The following CFAP43 variants were observed in gnomAD, a reference collection of about 807,000 sequenced individuals.
CFAP43 encodes cilia- and flagella-associated protein 43.
Under a neutral mutation model 218.9 loss-of-function variants are expected in CFAP43, and 155 were observed. The observed-to-expected ratio is 0.71, with a 90% confidence interval of 0.62 to 0.81. CFAP43 has a LOEUF of 0.81. Ranked by LOEUF, CFAP43 falls within the 30% of genes least tolerant of loss-of-function variation. The probability of loss-of-function intolerance (pLI) is 0.00; values close to 1 mark genes in which losing one functional copy is unlikely to be tolerated. For missense variants in CFAP43, 1,778 were observed against 1,954.3 expected, an observed-to-expected ratio of 0.91 and a Z score of 1.70; for synonymous variants, 645 against 681.3, an observed-to-expected ratio of 0.95 and a Z score of 0.83.
intron 27 of CFAP43, among the ~76,000 whole-genome samples, chr10:104,154,079 G>A (rs1194022438): frequency 1.3e-5 from 2 of 152,148 alleles, no homozygotes; most frequent in African/African-American, 4.8e-5. Flanking sequence ...ACTTGGTTAA[G>A]TAGTGTCTGC....
At chr10:104,177,309 C>T (rs1013111699) in intron 19 of CFAP43, among the ~76,000 whole-genome samples, 2 of 152,078 alleles carry the variant, frequency 1.3e-5, no homozygotes, top group South Asian at 2.1e-4. Flanking sequence ...ACTGCGGGCT[C>T]GGGAAGCCAT....
At chr10:104,193,182 A>G (rs2090280585) in intron 11 of CFAP43, 1 of 152,244 alleles carries the variant, frequency 6.6e-6, no homozygotes, top group African/African-American at 2.4e-5. Context: ...TTGCTTCAAA[A>G]GTTTTGAAAT....
At chr10:104,202,897 G>C (rs1407352692) in intron 8 of CFAP43, among the ~76,000 whole-genome samples, 1 of 151,010 alleles carries the variant, frequency 6.6e-6, no homozygotes, top group Non-Finnish European at 1.5e-5. Context: ...GTTTCTTTCA[G>C]GCAGAAAGTC....
intron 1 of CFAP43, 72 bp from the exon 2 acceptor site, chr10:104,230,915 GTCA>G: frequency 6.9e-7 from 1 of 1,452,444 alleles, no homozygotes; most frequent in Non-Finnish European, 9.1e-7. Flanking sequence ...AAAGCAAAGG[GTCA>G]TCAAAATCTT....
At position 104,194,053 on chromosome 10, in the gene CFAP43, C is replaced by G. The variant is rs372839075; in HGVS notation, c.1294-39G>C. ...ACCCCAGATGCGTATCTCTATTGTGCCTGCTCTCCTACACGTAAGAATGCT... is the reference window on the plus strand; with the variant it reads ...ACCCCAGATGCGTATCTCTATTGTGGCTGCTCTCCTACACGTAAGAATGCT... On this transcript the variant is annotated intron_variant, in intron 10 of 37. Transcript: ENST00000357060. 5.0e-6 allele frequency: 8 copies of G among 1,604,402 alleles called. No homozygotes were observed. In the African/African-American group the frequency reaches 9.4e-5, roughly 19 times the overall value.
At chr10:104,198,068 A>G in intron 8 of CFAP43, 30 bp from the exon 9 acceptor site, 1 of 1,325,248 alleles carries the variant, frequency 7.5e-7, no homozygotes, top group Non-Finnish European at 1.1e-6. Context: ...AAAGAAACAC[A>G]TTGTAATTGT....
chr10:104,136,412 C>T (rs1041377078), intron 34 of CFAP43, among the ~76,000 whole-genome samples: 1 of 150,942 alleles, frequency 6.6e-6, no homozygotes, highest in Non-Finnish European at 1.5e-5. Context: ...ACTCTGCCAC[C>T]CAGGCTGGAG....
chr10:104,187,303 C>T lies in CFAP43; in HGVS notation c.1860+17G>A, dbSNP rs376617562. On this transcript the variant is annotated intron_variant, in intron 14 of 37. Coordinates refer to ENST00000357060, the MANE Select transcript of CFAP43 (RefSeq NM_025145.7). Reference sequence around the variant, plus strand: ...GATTGCTAAGATAAATGAGAGCACACTTAAGTGTTGACATACTTCTTCAGG... The same window carrying T: ...GATTGCTAAGATAAATGAGAGCACATTTAAGTGTTGACATACTTCTTCAGG... 9 of 1,586,008 alleles carry T rather than the reference C, an allele frequency of 5.7e-6. No individual in the cohort carries two copies. Among genetic ancestry groups the T allele is most frequent in the Non-Finnish European group, 7.7e-6 (9 of 1,169,916 alleles).
chr10:104,159,894 A>T (rs2088782350), intron 27 of CFAP43, among the ~76,000 whole-genome samples: 2 of 152,110 alleles, frequency 1.3e-5, no homozygotes, highest in South Asian at 4.1e-4. Flanking sequence ...ATTTTTAACA[A>T]ATCCCCCAGG....
intron 6 of CFAP43, 53 bp from the exon 7 acceptor site, chr10:104,206,083 G>A (rs1365366093): frequency 7.2e-7 from 1 of 1,386,658 alleles, no homozygotes; most frequent in Admixed American, 2.2e-5. Context: ...AAAGTACAAT[G>A]TAACAATGAA....
intron 11 of CFAP43, 136 bp from the exon 12 acceptor site, chr10:104,192,438 C>T: frequency 1.5e-6 from 1 of 680,598 alleles, no homozygotes; most frequent in South Asian, 1.7e-5. Flanking sequence ...ATTCTCTGAC[C>T]TTATTAAAGT....
chr10:104,214,620 T>C (rs1469811282), intron 3 of CFAP43, among the ~76,000 whole-genome samples, 194 bp from the exon 4 acceptor site: 1 of 152,206 alleles, frequency 6.6e-6, no homozygotes, highest in Non-Finnish European at 1.5e-5. Context: ...AAAAAAACTA[T>C]GTTTTAAAAA....
chr10:104,145,706 AC>A (rs2087931717), intron 30 of CFAP43, 142 bp from the exon 31 acceptor site: 2 of 517,278 alleles, frequency 3.9e-6, no homozygotes, highest in East Asian at 2.9e-5. Flanking sequence ...TTAGACATTA[AC>A]CATTCTCTGT....
chr10:104,162,386 G>A lies in CFAP43; in HGVS notation c.3264C>T (p.His1088=), dbSNP rs2088926934. 1 of 1,613,930 alleles carries A rather than the reference G, an allele frequency of 6.2e-7. No homozygotes were observed. Among genetic ancestry groups the A allele is most frequent in the East Asian group, 2.2e-5 (1 of 44,880 alleles). Residue 1088 remains histidine (H), a synonymous_variant, in exon 25 of 38, where the codon CAC becomes CAT. Transcript: ENST00000357060. ...CTTTGGCTTTGTGCCACGGCTTAAT[G>A]TGTTTGTGGGCTGTAATCTGAAAGA... ...VQDEEITAHK[H]IKPWHKAKEL...
chr10:104,224,369 C>T (rs544593410), intron 3 of CFAP43, among the ~76,000 whole-genome samples: 16 of 151,998 alleles, frequency 1.1e-4, no homozygotes, highest in Admixed American at 1.3e-4. Flanking sequence ...ATCTTGATTA[C>T]GGTGATGGGT....
intron 1 of CFAP43, among the ~76,000 whole-genome samples, chr10:104,231,876 C>G (rs1293878451): frequency 6.6e-6 from 1 of 151,918 alleles, no homozygotes; most frequent in African/African-American, 2.4e-5. Flanking sequence ...TAGCGGGAAT[C>G]CTGAGCTAGA....
chr10:104,140,567 A>G (rs950553443), intron 34 of CFAP43, among the ~76,000 whole-genome samples: 1 of 152,198 alleles, frequency 6.6e-6, no homozygotes, highest in Admixed American at 6.5e-5. Flanking sequence ...GCACTCTGGG[A>G]GGCCAGAGCA....
chr10:104,215,591 A>ACACCAT (rs1232577558), intron 3 of CFAP43, among the ~76,000 whole-genome samples: 1 of 152,184 alleles, frequency 6.6e-6, no homozygotes, highest in Non-Finnish European at 1.5e-5. Context: ...CATGGCAGTG[A>ACACCAT]CACCATAAAC....
intron 21 of CFAP43, among the ~76,000 whole-genome samples, chr10:104,168,137 C>T (rs532157460): frequency 2.0e-5 from 3 of 152,138 alleles, no homozygotes; most frequent in South Asian, 4.1e-4. Flanking sequence ...ACAGCCCCCA[C>T]AACAAGAAAT....
Sources: gnomAD v4.1 joint callset for allele counts (sites outside exome capture counted in the v4.1 genomes callset) on GRCh38, gnomAD v4.1.1 for gene constraint, MANE v1.5 for transcripts, NCBI Gene and HGNC (gene_info 2026-07-23, HGNC 2026-07-21) for gene names.